DTNB: variants seen among roughly 807,000 people sequenced by gnomAD.
DTNB encodes dystrobrevin beta.
Under a neutral mutation model 90.7 loss-of-function variants are expected in DTNB, and 63 were observed. The observed-to-expected ratio is 0.69, with a 90% CI of 0.57 to 0.86. The LOEUF is 0.86. Among genes scored for constraint, DTNB ranks in the 40% least tolerant of loss-of-function variants. The pLI, the probability that DTNB is intolerant of heterozygous loss-of-function variation, is 0.00. For missense variants in DTNB, 744 were observed against 807.1 expected (o/e 0.92, Z 0.95); for synonymous variants, 277 against 286.7 (o/e 0.97, Z 0.34).
At chr2:25,528,815 T>C (rs563817152) in intron 9 of DTNB, among the ~76,000 whole-genome samples, 8 of 152,178 alleles carry the variant, frequency 5.3e-5, no homozygotes, top group Non-Finnish European at 7.4e-5. Context: ...ATTACAAATG[T>C]CAAGTGACAT....
chr2:25,639,686 G>C (rs2148835670), intron 2 of DTNB, among the ~76,000 whole-genome samples: 1 of 152,212 alleles, frequency 6.6e-6, no homozygotes, highest in East Asian at 1.9e-4. Context: ...TCAAGGTCTA[G>C]AGATTCTTTC....
rs2086591898 is a variant in DTNB, at chr2:25,673,417, T to C, written c.-33A>G. On this transcript the variant is annotated 5_prime_UTR_variant, in exon 1 of 21. Coordinates refer to ENST00000406818, the MANE Select transcript of DTNB (RefSeq NM_021907.5). Reference sequence around the variant, plus strand: ...CACTTCCCCGCCGGAGCAGGGGTCGTCGGGAAGGTCTCCTGCGGCCTCACT... The same window carrying C: ...CACTTCCCCGCCGGAGCAGGGGTCGCCGGGAAGGTCTCCTGCGGCCTCACT... 6.6e-6 allele frequency: 1 copy of C among 150,942 alleles called. No individual in the cohort carries two copies. The highest frequency in any genetic ancestry group is 2.4e-5 in the African/African-American group (1 of 41,254). The allele number at this position is 150,942 out of a possible 1,614,324, so 9.4% of individuals were successfully genotyped here. A position where few individuals can be genotyped will look rare whatever the true frequency, so the allele number is the denominator to read the frequency against.
At chr2:25,398,738 G>C (rs1241532788) in intron 16 of DTNB, among the ~76,000 whole-genome samples, 1 of 152,076 alleles carries the variant, frequency 6.6e-6, no homozygotes, top group Non-Finnish European at 1.5e-5. Flanking sequence ...TCTCCCCCAT[G>C]CTGTCTGATT....
Position 25,464,488 on chromosome 2 carries a change from C to T in DTNB, c.1080-8994G>A, listed in dbSNP as rs534144644. Among the ~76,000 whole-genome samples, 19 of 152,296 alleles carry T rather than the reference C, an allele frequency of 1.2e-4. 1 individual carries two copies. The highest frequency in any genetic ancestry group is 4.6e-4 in the African/African-American group (19 of 41,556). ...ATAACCCAAAGCATAAAATAAACAT[C>T]CATGAGTCCACACTGATATAAATAA... On this transcript the variant is annotated intron_variant, in intron 10 of 20. Transcript: ENST00000406818.
At chr2:25,562,112 G>C (rs1250960406) in intron 8 of DTNB, among the ~76,000 whole-genome samples, 2 of 152,088 alleles carry the variant, frequency 1.3e-5, no homozygotes, top group Non-Finnish European at 2.9e-5. Context: ...CTGTTCATTT[G>C]CCTATTCTGT....
intron 9 of DTNB, among the ~76,000 whole-genome samples, chr2:25,519,652 T>C (rs2075794944): frequency 6.6e-6 from 1 of 152,174 alleles, no homozygotes; most frequent in African/African-American, 2.4e-5. Flanking sequence ...CCAGTGAGCA[T>C]TTCCTTGGAC....
At chr2:25,584,396 T>C (rs1024973856) in intron 6 of DTNB, among the ~76,000 whole-genome samples, 1 of 152,190 alleles carries the variant, frequency 6.6e-6, no homozygotes, top group Non-Finnish European at 1.5e-5. Context: ...GTGTCTTCTA[T>C]AGAGGCAAAT....
At chr2:25,491,950 C>G (rs1402477192) in intron 9 of DTNB, among the ~76,000 whole-genome samples, 1 of 151,296 alleles carries the variant, frequency 6.6e-6, no homozygotes, top group Non-Finnish European at 1.5e-5. Context: ...TTTGAGGTCA[C>G]AGAGCCAAAT....
At chr2:25,395,985 A>C (rs796152238) in intron 16 of DTNB, among the ~76,000 whole-genome samples, 4 of 152,306 alleles carry the variant, frequency 2.6e-5, no homozygotes, top group African/African-American at 9.6e-5. Flanking sequence ...TGGTGCTAGG[A>C]CAATTCACAA....
intron 2 of DTNB, among the ~76,000 whole-genome samples, chr2:25,646,811 T>C (rs1261527553): frequency 6.6e-6 from 1 of 152,232 alleles, no homozygotes; most frequent in Non-Finnish European, 1.5e-5. Flanking sequence ...TGGGCACATG[T>C]TCTCAGGACC....
At chr2:25,478,684 T>C (rs1457812631) in intron 10 of DTNB, among the ~76,000 whole-genome samples, 1 of 152,124 alleles carries the variant, frequency 6.6e-6, no homozygotes, top group Non-Finnish European at 1.5e-5. Flanking sequence ...CTTGGCAGTA[T>C]ACTCTTCTTT....
In DTNB at chr2:25,387,178, T is replaced by C; in HGVS notation, c.1825+111A>G. The C allele has an allele frequency of 1.1e-6, 1 of 941,930 alleles. No individual in the cohort carries two copies. Among genetic ancestry groups the C allele is most frequent in the Non-Finnish European group, 1.6e-6 (1 of 625,790 alleles). The allele number at this position is 941,930 out of a possible 1,614,324, so 58.3% of individuals were successfully genotyped here. ...TAGAAGGCAAAGTTAGGTGATGAAATGGGGTGGTGCAAGCTGGGTGGTGAG... is the reference window on the plus strand; with the variant it reads ...TAGAAGGCAAAGTTAGGTGATGAAACGGGGTGGTGCAAGCTGGGTGGTGAG... On this transcript the variant is annotated intron_variant, in intron 18 of 20. Transcript: ENST00000406818. The surrounding 1 kb of genome is among the most constrained non-coding windows in gnomAD (Gnocchi z 4.5).
chr2:25,487,668 C>T (rs1407416142), intron 9 of DTNB, among the ~76,000 whole-genome samples: 1 of 152,008 alleles, frequency 6.6e-6, no homozygotes, highest in African/African-American at 2.4e-5. Context: ...GAGGAGGCAT[C>T]GTTGAGAACA....
chr2:25,513,977 T>A (rs2074478654), intron 9 of DTNB, among the ~76,000 whole-genome samples: 1 of 150,128 alleles, frequency 6.7e-6, no homozygotes, highest in South Asian at 2.1e-4. Context: ...TCCTTGTCTC[T>A]GGCAGTAAAA....
chr2:25,559,191 C>T (rs1391624687), intron 8 of DTNB, among the ~76,000 whole-genome samples: 4 of 152,144 alleles, frequency 2.6e-5, no homozygotes, highest in South Asian at 2.1e-4. Context: ...TCCCCTCACG[C>T]GACCCCAATC....
chr2:25,506,590 A>G (rs1168321200), intron 9 of DTNB, among the ~76,000 whole-genome samples: 1 of 152,108 alleles, frequency 6.6e-6, no homozygotes, highest in African/African-American at 2.4e-5. Flanking sequence ...CTCAGCATTC[A>G]GCTCCCAGTT....
At chr2:25,478,807 C>T (rs1210619400) in intron 10 of DTNB, among the ~76,000 whole-genome samples, 6 of 152,106 alleles carry the variant, frequency 3.9e-5, no homozygotes. Flanking sequence ...TCCTTCCTTG[C>T]GTTTTTCTAA....
intron 10 of DTNB, among the ~76,000 whole-genome samples, chr2:25,465,591 T>A (rs1334557158): frequency 6.6e-6 from 1 of 152,190 alleles, no homozygotes; most frequent in East Asian, 1.9e-4. Context: ...CTCACCGCGC[T>A]TCAGCCGTGC....
intron 7 of DTNB, among the ~76,000 whole-genome samples, chr2:25,580,323 T>C (rs974232324): frequency 3.3e-5 from 5 of 151,822 alleles, no homozygotes; most frequent in Non-Finnish European, 7.4e-5. Flanking sequence ...CTCTGCGAGA[T>C]CAGCCTGGCC....
Sources: gnomAD v4.1 joint callset for allele counts (sites outside exome capture counted in the v4.1 genomes callset) on GRCh38, gnomAD v4.1.1 for gene constraint, Gnocchi (gnomAD v3.1) non-coding constraint, MANE v1.5 for transcripts, NCBI Gene and HGNC (gene_info 2026-07-23, HGNC 2026-07-21) for gene names.